The following EIF3M variants were observed in gnomAD, a reference collection of about 807,000 sequenced individuals.
EIF3M encodes the protein eukaryotic translation initiation factor 3 subunit M, also known as B5 receptor.
A neutral mutation model predicts 49.7 loss-of-function variants in EIF3M; 25 were observed. The observed-to-expected ratio is 0.50, with a 90% CI of 0.37 to 0.70. EIF3M has a LOEUF of 0.70. EIF3M is among the 30% of genes least tolerant of loss of function. EIF3M has a pLI of 0.00. For missense variants in EIF3M, 350 were observed against 440.0 expected (o/e 0.80, Z 1.83); for synonymous variants, 156 against 149.8 (o/e 1.04, Z -0.30).
intron 2 of EIF3M, 31 bp downstream of exon 2, chr11:32,587,175 TAATAA>T: frequency 6.5e-7 from 1 of 1,532,432 alleles, no homozygotes; most frequent in Non-Finnish European, 8.8e-7. Flanking sequence ...TAATATTTCC[TAATAA>T]AATCTTTTAA....
At chr11:32,592,393 A>T in intron 5 of EIF3M, 1 of 549,344 alleles carries the variant, frequency 1.8e-6, no homozygotes, top group Non-Finnish European at 3.5e-6. Context: ...CAATCTTGCG[A>T]TACTTTTCAA....
rs1166519982 is a variant in EIF3M, at chr11:32,604,263, A to AG, written c.*1864_*1865insG. ...CTTCACCTCCTGAGTACCTTGGACT[A>AG]CAGGCATGTGCCACCACACCCAGGT... is the stretch of plus-strand genomic sequence containing the variant. On this transcript the variant is annotated 3_prime_UTR_variant, in exon 11 of 11. Transcript: ENST00000531120. 2 of 152,160 alleles carry AG rather than the reference A, an allele frequency of 1.3e-5. No individual in the cohort carries two copies. The highest frequency in any genetic ancestry group is 1.3e-4 in the Admixed American group (2 of 15,272). The allele number at this position is 152,160 out of a possible 1,614,324, so 9.4% of individuals were successfully genotyped here. A position where few individuals can be genotyped will look rare whatever the true frequency, so the allele number is the denominator to read the frequency against.
chr11:32,602,427 T>C lies in EIF3M; in HGVS notation c.*28T>C. 1 of 1,597,224 alleles carries C rather than the reference T, an allele frequency of 6.3e-7. No homozygotes were observed. The highest frequency in any genetic ancestry group is 8.5e-7 in the Non-Finnish European group (1 of 1,172,890). On this transcript the variant is annotated 3_prime_UTR_variant, in exon 11 of 11. Transcript: ENST00000531120. ...TTTTATGCTTATAATTTTTGTTCTT[T>C]GAAAAAAAAGCCCTAAATCATAGTA... is the stretch of plus-strand genomic sequence containing the variant.
At chr11:32,588,508 G>T in intron 2 of EIF3M, 86 bp from the exon 3 acceptor site, 1 of 1,448,186 alleles carries the variant, frequency 6.9e-7, no homozygotes. Context: ...GGTCTTCATT[G>T]TATTAAAACA....
intron 9 of EIF3M, chr11:32,601,056 A>G: frequency 2.6e-6 from 1 of 384,022 alleles, no homozygotes; most frequent in Non-Finnish European, 4.4e-6. Flanking sequence ...AAAGACGTTT[A>G]GGCAATACAC....
intron 1 of EIF3M, among the ~76,000 whole-genome samples, chr11:32,586,488 G>A (rs1433106643): frequency 6.6e-6 from 1 of 152,112 alleles, no homozygotes; most frequent in East Asian, 1.9e-4. Flanking sequence ...TCACCGCATT[G>A]CCCTTTTGTG....
intron 9 of EIF3M, chr11:32,601,526 GC>G: frequency 3.8e-6 from 1 of 261,770 alleles, no homozygotes; most frequent in Non-Finnish European, 7.0e-6. Context: ...AAAAAAAACA[GC>G]AAAAAACTGT....
chr11:32,601,768 G>A lies in EIF3M; in HGVS notation c.950G>A (p.Arg317Lys). ...ATAAAACATCTTTTTTCAGCCGTAAGAACTAAAATGGTCTACTGCAAAATT... is the reference window on the plus strand; with the variant it reads ...ATAAAACATCTTTTTTCAGCCGTAAAAACTAAAATGGTCTACTGCAAAATT... Reference protein sequence around the residue: ...DVEAFVIDAVRTKMVYCKIDQ... With the variant: ...DVEAFVIDAVKTKMVYCKIDQ... The change falls in exon 10 of 11, where the codon AGA (arginine) becomes AAA (lysine). Residue 317 changes from arginine to lysine, a missense_variant. Arg to Lys is a conservative substitution (Grantham distance 26). Transcript: ENST00000531120. The A allele has an allele frequency of 6.2e-7, 1 of 1,612,164 alleles. No homozygotes were observed. The highest frequency in any genetic ancestry group is 8.5e-7 in the Non-Finnish European group (1 of 1,178,890).
At chr11:32,589,299 C>T (rs1248375050) in intron 4 of EIF3M, among the ~76,000 whole-genome samples, 164 bp downstream of exon 4, 1 of 152,112 alleles carries the variant, frequency 6.6e-6, no homozygotes, top group Non-Finnish European at 1.5e-5. Context: ...TCCTCTGCCT[C>T]CTGAGCAGCT....
In EIF3M at chr11:32,596,014, TA is replaced by T; in HGVS notation, c.767del (p.Tyr256PhefsTer22). 1 of 1,561,630 alleles carries T rather than the reference TA, an allele frequency of 6.4e-7. No individual in the cohort carries two copies. The highest frequency in any genetic ancestry group is 1.4e-5 in the African/African-American group (1 of 71,288). On this transcript the variant is annotated frameshift_variant, in exon 8 of 11. Coordinates refer to ENST00000531120, the MANE Select transcript of EIF3M (RefSeq NM_006360.6). LOFTEE classifies it high-confidence loss of function. The stretch of plus-strand genomic sequence containing the variant: ...TAAATTGGCATCATATGTCAAGTTT[TA>T]TCAGAATAATAAAGACTTCATTGAT... ...SAKLASYVKFYQNNKDFIDSL... is the reference protein window; with the variant it reads ...SAKLASYVKFXQNNKDFIDSL...
At position 32,594,121 on chromosome 11, in the gene EIF3M, G is replaced by A. The variant is rs1855144119; in HGVS notation, c.617+172G>A. Reference sequence around the variant, plus strand: ...ATACTAAAATTCAAGGTTTGATATTGGAAGAACTGTGGATTGAATATGAAG... The same window carrying A: ...ATACTAAAATTCAAGGTTTGATATTAGAAGAACTGTGGATTGAATATGAAG... On this transcript the variant is annotated intron_variant, in intron 6 of 10. Transcript: ENST00000531120. 11 of 409,294 alleles carry A rather than the reference G, an allele frequency of 2.7e-5. No individual in the cohort carries two copies. The Admixed American group carries it at 4.9e-4, about 18-fold the overall frequency. The allele number at this position is 409,294 out of a possible 1,614,324, so 25.4% of individuals were successfully genotyped here.
At position 32,602,826 on chromosome 11, in the gene EIF3M, GT is replaced by G; in HGVS notation, c.*434del. On this transcript the variant is annotated 3_prime_UTR_variant, in exon 11 of 11. Coordinates refer to ENST00000531120, the MANE Select transcript of EIF3M (RefSeq NM_006360.6). Reference sequence around the variant, plus strand: ...CTTATCTACATTATTTTAATCTGTTGTTTTTTTCCAACGTCTCTTCTGCTTT... The same window carrying G: ...CTTATCTACATTATTTTAATCTGTTGTTTTTTCCAACGTCTCTTCTGCTTT... The G allele has an allele frequency of 6.3e-7, 1 of 1,594,078 alleles. No homozygotes were observed. Among genetic ancestry groups the G allele is most frequent in the Non-Finnish European group, 8.5e-7 (1 of 1,170,128 alleles).
At chr11:32,589,724 G>GT in intron 5 of EIF3M, 83 bp downstream of exon 5, 2 of 1,252,300 alleles carry the variant, frequency 1.6e-6, no homozygotes, top group Non-Finnish European at 1.1e-6. Context: ...AGTAGGGCCA[G>GT]TAATTTTGCT....
Position 32,588,676 on chromosome 11 carries a change from A to C in EIF3M, c.258A>C (p.Leu86=). 3 of 1,614,238 alleles carry C rather than the reference A, an allele frequency of 1.9e-6. No homozygotes were observed. Among genetic ancestry groups the C allele is most frequent in the Non-Finnish European group, 2.5e-6 (3 of 1,180,038 alleles). ...PDKQEALIES[L]CEKLVKFREG... is the part of the protein sequence containing the mutation. Reference sequence around the variant, plus strand: ...AGCAAGAAGCTTTGATTGAAAGCCTATGTGAAAAGCTGGTCAAATTTCGCG... The same window carrying C: ...AGCAAGAAGCTTTGATTGAAAGCCTCTGTGAAAAGCTGGTCAAATTTCGCG... Residue 86 remains leucine (L), a synonymous_variant, in exon 3 of 11, where the codon CTA becomes CTC. Transcript: ENST00000531120.
chr11:32,606,180 C>T lies in EIF3M; in HGVS notation c.*3781C>T, dbSNP rs2133211666. 1 of 152,286 alleles carries T rather than the reference C, an allele frequency of 6.6e-6. No individual in the cohort carries two copies. The highest frequency in any genetic ancestry group is 2.1e-4 in the South Asian group (1 of 4,828). 9.4% of individuals were successfully genotyped at this position (152,286 alleles called of 1,614,324 possible). A position where few individuals can be genotyped will look rare whatever the true frequency, so the allele number is the denominator to read the frequency against. Reference sequence around the variant, plus strand: ...CCCATAGAGAGAAAGTGGATTGGTACTTAATACCTTCCCTGAATTTAACAG... The same window carrying T: ...CCCATAGAGAGAAAGTGGATTGGTATTTAATACCTTCCCTGAATTTAACAG... On this transcript the variant is annotated 3_prime_UTR_variant, in exon 11 of 11. Coordinates refer to ENST00000531120, the MANE Select transcript of EIF3M (RefSeq NM_006360.6).
chr11:32,586,195 C>CT (rs999743099), intron 1 of EIF3M, among the ~76,000 whole-genome samples: 1 of 152,122 alleles, frequency 6.6e-6, no homozygotes, highest in African/African-American at 2.4e-5. Context: ...CTCCATTGCA[C>CT]TCATGCTATT....
At position 32,601,770 on chromosome 11, in the gene EIF3M, A is replaced by T. The variant is rs1453744890; in HGVS notation, c.952A>T (p.Thr318Ser). The change falls in exon 10 of 11, where the codon ACT (threonine) becomes TCT (serine). Residue 318 changes from threonine (T) to serine (S), a missense_variant. Coordinates refer to ENST00000531120, the MANE Select transcript of EIF3M (RefSeq NM_006360.6). ...VEAFVIDAVR[T>S]KMVYCKIDQT... ...AAAACATCTTTTTTCAGCCGTAAGA[A>T]CTAAAATGGTCTACTGCAAAATTGA... 3.7e-6 allele frequency: 6 copies of T among 1,612,546 alleles called. 1 individual carries two copies. The Admixed American group carries it at 1.0e-4, about 27-fold the overall frequency.
At position 32,605,721 on chromosome 11, in the gene EIF3M, T is replaced by C. The variant is rs1442723828; in HGVS notation, c.*3322T>C. 1.3e-5 allele frequency: 2 copies of C among 152,216 alleles called. No individual in the cohort carries two copies. Among genetic ancestry groups the C allele is most frequent in the Non-Finnish European group, 2.9e-5 (2 of 68,030 alleles). The allele number at this position is 152,216 out of a possible 1,614,324, so 9.4% of individuals were successfully genotyped here. A position where few individuals can be genotyped will look rare whatever the true frequency, so the allele number is the denominator to read the frequency against. ...GGCTTTAGAGAAACAAGATACAGTGTAGATTAGCTAATGTTTGCGCTTAAC... is the reference window on the plus strand; with the variant it reads ...GGCTTTAGAGAAACAAGATACAGTGCAGATTAGCTAATGTTTGCGCTTAAC... On this transcript the variant is annotated 3_prime_UTR_variant, in exon 11 of 11. Transcript: ENST00000531120.
intron 5 of EIF3M, among the ~76,000 whole-genome samples, chr11:32,592,941 C>T (rs998079287): frequency 1.3e-5 from 2 of 152,206 alleles, no homozygotes; most frequent in African/African-American, 2.4e-5. Context: ...TATTGGCATG[C>T]GCCACTGTGC....
Sources: gnomAD v4.1 joint callset for allele counts (sites outside exome capture counted in the v4.1 genomes callset) on GRCh38, gnomAD v4.1.1 for gene constraint, MANE v1.5 for transcripts, NCBI Gene and HGNC (gene_info 2026-07-23, HGNC 2026-07-21) for gene names.